XKR9: variants seen among roughly 807,000 people sequenced by gnomAD.
XKR9 encodes XK-related protein 9.
Under a neutral mutation model 32.0 loss-of-function variants are expected in XKR9, and 32 were observed. The ratio of observed to expected loss-of-function variants is 1.00; its 90% CI spans 0.76 to 1.34. XKR9 has a LOEUF of 1.34. XKR9 is among the 40% of genes most tolerant of loss of function. The pLI is 0.00. For missense variants in XKR9, 546 were observed against 429.7 expected, an observed-to-expected ratio of 1.27 and a Z score of -2.39; for synonymous variants, 168 against 143.4, an observed-to-expected ratio of 1.17 and a Z score of -1.22.
intron 3 of XKR9, among the ~76,000 whole-genome samples, chr8:70,687,907 CAT>C (rs751358820): frequency 3.3e-5 from 5 of 152,198 alleles, no homozygotes; most frequent in East Asian, 3.9e-4. Flanking sequence ...ACACTTGAAA[CAT>C]ATGTGTTTCT....
At chr8:70,670,775 T>G (rs1818689051) in intron 1 of XKR9, 1 of 152,202 alleles carries the variant, frequency 6.6e-6, no homozygotes, top group East Asian at 1.9e-4. Context: ...CAATGGGAAG[T>G]TAAACAGTAT....
At chr8:70,820,475 T>C in the XKR9 span, among the ~76,000 whole-genome samples, 1 of 152,204 alleles carries the variant, frequency 6.6e-6, no homozygotes, top group Admixed American at 6.5e-5. Context: ...AGGCATGTTA[T>C]ACAATGATAG....
the XKR9 span, among the ~76,000 whole-genome samples, chr8:70,957,809 G>T: frequency 1.0e-3 from 59 of 58,584 alleles, no homozygotes; most frequent in African/African-American, 2.8e-3. Flanking sequence ...TTTTTTTTTG[G>T]GACGGAGTCT....
At chr8:70,738,413 A>T (rs1001361121), downstream of XKR9, among the ~76,000 whole-genome samples, 2 of 148,906 alleles carry the variant, frequency 1.3e-5, no homozygotes, top group Non-Finnish European at 3.0e-5. Flanking sequence ...ATCCTTTCAA[A>T]AAATCAGCTC....
the XKR9 span, among the ~76,000 whole-genome samples, chr8:70,910,939 C>T: frequency 6.6e-6 from 1 of 152,236 alleles, no homozygotes; most frequent in Non-Finnish European, 1.5e-5. Flanking sequence ...CAATCCCCTT[C>T]ACCCATCTTC....
intron 2 of XKR9, among the ~76,000 whole-genome samples, chr8:70,757,299 C>T (rs1807240869): frequency 6.6e-6 from 1 of 151,620 alleles, no homozygotes; most frequent in African/African-American, 2.4e-5. Flanking sequence ...TTTATTTTTT[C>T]CTCATCATCT....
the XKR9 span, among the ~76,000 whole-genome samples, chr8:70,939,179 T>A: frequency 6.6e-6 from 1 of 152,236 alleles, no homozygotes; most frequent in Non-Finnish European, 1.5e-5. Context: ...CATGAAAGAT[T>A]AATCACTTCC....
chr8:70,882,914 C>A, the XKR9 span, among the ~76,000 whole-genome samples: 3 of 149,298 alleles, frequency 2.0e-5, no homozygotes, highest in African/African-American at 5.1e-5. Flanking sequence ...TGTGCTTTAT[C>A]TAGTTAGCTG....
chr8:71,016,062 T>TC, the XKR9 span, among the ~76,000 whole-genome samples: 931 of 150,406 alleles, frequency 6.2e-3, 4 homozygotes, highest in East Asian at 0.017. Context: ...GCAATCCATT[T>TC]TCCCCCCCGG....
the XKR9 span, among the ~76,000 whole-genome samples, chr8:70,829,371 TATCTC>T: frequency 1.3e-5 from 2 of 152,220 alleles, no homozygotes; most frequent in South Asian, 2.1e-4. Context: ...TTTCAGGACT[TATCTC>T]AGGTTTAGGA....
chr8:70,785,777 A>C (rs35115647), intron 2 of XKR9, among the ~76,000 whole-genome samples: 3 of 146,320 alleles, frequency 2.1e-5, no homozygotes, highest in Non-Finnish European at 3.0e-5. Context: ...GTATATATGT[A>C]TATATATATG....
intron 1 of XKR9, among the ~76,000 whole-genome samples, chr8:70,670,388 G>C (rs750906345): frequency 2.0e-4 from 30 of 152,084 alleles, no homozygotes; most frequent in Admixed American, 7.9e-4. Flanking sequence ...AAAAAAAGTT[G>C]AGTTATAAAT....
chr8:71,062,959 C>T, the XKR9 span, among the ~76,000 whole-genome samples: 1 of 152,126 alleles, frequency 6.6e-6, no homozygotes, highest in African/African-American at 2.4e-5. Flanking sequence ...CATTTACTCC[C>T]TAAACTCCCA....
At chr8:70,739,179 T>A (rs1334056359), downstream of XKR9, among the ~76,000 whole-genome samples, 1 of 152,174 alleles carries the variant, frequency 6.6e-6, no homozygotes, top group East Asian at 1.9e-4. Flanking sequence ...ATATTTAGGA[T>A]AGTGAGCTCT....
the XKR9 span, among the ~76,000 whole-genome samples, chr8:70,901,931 C>T: frequency 6.6e-6 from 1 of 152,254 alleles, no homozygotes; most frequent in African/African-American, 2.4e-5. Context: ...TTCCCCATTG[C>T]TTGTTTTTGT....
At chr8:70,975,438 C>G in the XKR9 span, among the ~76,000 whole-genome samples, 1 of 152,174 alleles carries the variant, frequency 6.6e-6, no homozygotes, top group Non-Finnish European at 1.5e-5. Context: ...AGGAAGGTAT[C>G]CAGTTTCAGT....
chr8:70,878,793 C>T, the XKR9 span, among the ~76,000 whole-genome samples: 1 of 152,124 alleles, frequency 6.6e-6, no homozygotes, highest in African/African-American at 2.4e-5. Flanking sequence ...CTCAACTCTG[C>T]ACCAAGCAGA....
chr8:70,728,789 C>T (rs781512152), intron 4 of XKR9, among the ~76,000 whole-genome samples: 18 of 152,132 alleles, frequency 1.2e-4, no homozygotes, highest in African/African-American at 2.4e-4. Flanking sequence ...TTATTGCATA[C>T]GGTGCAGCAA....
At chr8:70,799,380 G>T in the XKR9 span, among the ~76,000 whole-genome samples, 2 of 152,154 alleles carry the variant, frequency 1.3e-5, no homozygotes, top group African/African-American at 4.8e-5. Context: ...GCCCAAGCTG[G>T]AGTGCTGCGG....
Sources: gnomAD v4.1 joint callset for allele counts (sites outside exome capture counted in the v4.1 genomes callset) on GRCh38, gnomAD v4.1.1 for gene constraint, MANE v1.5 for transcripts, NCBI Gene and HGNC (gene_info 2026-07-23, HGNC 2026-07-21) for gene names.